TP73: variants seen among roughly 807,000 people sequenced by gnomAD.
The protein encoded by TP73 is p53-like transcription factor.
TP73 carries 25 observed loss-of-function variants against 62.5 expected under a neutral mutation model. The observed-to-expected ratio is 0.40, with a 90% CI of 0.29 to 0.56. The LOEUF (loss-of-function observed/expected upper bound fraction) is 0.56, where lower values mean the gene tolerates loss of function less well. Among genes scored for constraint, TP73 ranks in the 20% least tolerant of loss-of-function variants. The pLI, the probability that TP73 is intolerant of heterozygous loss-of-function variation, is 0.46. For missense variants in TP73, 754 were observed against 913.3 expected, an observed-to-expected ratio of 0.83 and a Z score of 2.25; for synonymous variants, 423 against 377.5, an observed-to-expected ratio of 1.12 and a Z score of -1.40.
At chr1:3,716,763 G>T (rs1372334741) in intron 4 of TP73, among the ~76,000 whole-genome samples, 4 of 152,184 alleles carry the variant, frequency 2.6e-5, no homozygotes, top group African/African-American at 9.6e-5. Flanking sequence ...CTAATCCACA[G>T]GCTGTTGACC....
chr1:3,657,352 G>A (rs904935990), intron 1 of TP73, among the ~76,000 whole-genome samples: 1 of 152,182 alleles, frequency 6.6e-6, no homozygotes, highest in Non-Finnish European at 1.5e-5. Context: ...TCTTGCCATG[G>A]CCTTCTCCTC....
chr1:3,668,196 C>T (rs1645162902), intron 1 of TP73, among the ~76,000 whole-genome samples: 1 of 152,178 alleles, frequency 6.6e-6, no homozygotes, highest in Non-Finnish European at 1.5e-5. Context: ...GCCAAGGAAC[C>T]CAAATTGGTG....
chr1:3,694,950 C>T (rs1638491564), intron 3 of TP73, among the ~76,000 whole-genome samples: 1 of 151,996 alleles, frequency 6.6e-6, no homozygotes, highest in Admixed American at 6.5e-5. Context: ...AGCCCCTCCT[C>T]CTGCAATCCC....
intron 1 of TP73, among the ~76,000 whole-genome samples, chr1:3,675,983 G>A (rs1645356270): frequency 6.6e-6 from 1 of 152,066 alleles, no homozygotes; most frequent in Non-Finnish European, 1.5e-5. Flanking sequence ...GATGAGATGG[G>A]AGGGCAGGAA....
At chr1:3,718,931 C>T (rs1182667877) in intron 4 of TP73, among the ~76,000 whole-genome samples, 1 of 152,152 alleles carries the variant, frequency 6.6e-6, no homozygotes, top group Non-Finnish European at 1.5e-5. Flanking sequence ...GCAGTAGCCA[C>T]TAACACCTGC....
intron 3 of TP73, among the ~76,000 whole-genome samples, chr1:3,692,826 G>A (rs143379994): frequency 1.1e-3 from 169 of 152,176 alleles, no homozygotes; most frequent in African/African-American, 3.9e-3. Flanking sequence ...TTGCGCAGAC[G>A]CCATTCCCGG....
chr1:3,683,100 C>T lies in TP73; in HGVS notation c.106C>T (p.Arg36Trp), dbSNP rs768562905. 6 of 1,612,132 alleles carry T rather than the reference C, an allele frequency of 3.7e-6. No homozygotes were observed. Among genetic ancestry groups the T allele is most frequent in the Admixed American group, 1.7e-5 (1 of 59,952 alleles). ...CTACTTCGACCTTCCCCAGTCAAGC[C>T]GGGGGAATAATGAGGTGGTGGGCGG... Reference protein sequence around the residue: ...STYFDLPQSSRGNNEVVGGTD... With the variant: ...STYFDLPQSSWGNNEVVGGTD... The change falls in exon 3 of 14, where the codon CGG becomes TGG. Residue 36 changes from arginine (R) to tryptophan (W), a missense_variant. By Grantham distance (101) the Arg-to-Trp change is moderately radical (BLOSUM62 -3). Around this residue, in one of 3 missense-constraint regions of TP73, gnomAD observed 235 missense variants for 251.4 expected, o/e 0.93. Coordinates refer to ENST00000378295, the MANE Select transcript of TP73 (RefSeq NM_005427.4).
intron 1 of TP73, among the ~76,000 whole-genome samples, chr1:3,656,986 C>T (rs911074016): frequency 3.3e-5 from 5 of 152,214 alleles, no homozygotes; most frequent in East Asian, 3.8e-4. Flanking sequence ...TTGTGCTTGT[C>T]GCTCCGTTGC....
intron 1 of TP73, among the ~76,000 whole-genome samples, chr1:3,667,521 C>T (rs1475284363): frequency 2.6e-5 from 4 of 152,112 alleles, no homozygotes; most frequent in East Asian, 1.9e-4. Context: ...GAGGCCGAGG[C>T]GGGTGGATCA....
At position 3,733,185 on chromosome 1, in the gene TP73, G is replaced by A; in HGVS notation, c.*106G>A. On this transcript the variant is annotated 3_prime_UTR_variant, in exon 14 of 14. Transcript: ENST00000378295. ...CCTCAGGAGGCAGGACCTTCGGGCTGTGCCCGGGGAAAGGCAAGGTCCGGC... is the reference window on the plus strand; with the variant it reads ...CCTCAGGAGGCAGGACCTTCGGGCTATGCCCGGGGAAAGGCAAGGTCCGGC... The A allele has an allele frequency of 1.5e-6, 2 of 1,318,518 alleles. No individual in the cohort carries two copies. Among genetic ancestry groups the A allele is most frequent in the South Asian group, 1.5e-5 (1 of 67,426 alleles). 81.7% of individuals were successfully genotyped at this position (1,318,518 alleles called of 1,614,324 possible). A position where few individuals can be genotyped will look rare whatever the true frequency, so the allele number is the denominator to read the frequency against.
chr1:3,699,493 C>A lies in TP73; in HGVS notation c.187-8056C>A, dbSNP rs868327784. On this transcript the variant is annotated intron_variant, in intron 3 of 13. Transcript: ENST00000378295. The surrounding 1 kb of genome is among the most constrained non-coding windows in gnomAD (Gnocchi z 4.1). ...AGGCTGGAGGGAGAAGGCCAGGAGG[C>A]CAGAGGGAGGCCAGCTGAGCCCTCA... 1.1e-4 allele frequency among the ~76,000 whole-genome samples: 17 copies of A among 152,308 alleles called. 1 individual carries two copies. The East Asian group carries it at 3.3e-3, about 29-fold the overall frequency.
chr1:3,710,286 G>C (rs909706492), intron 4 of TP73, among the ~76,000 whole-genome samples: 2 of 152,116 alleles, frequency 1.3e-5, no homozygotes, highest in Admixed American at 6.5e-5. Flanking sequence ...GTGGATCCAG[G>C]GGGTGGGACA....
At chr1:3,686,210 C>G (rs1645652007) in intron 3 of TP73, among the ~76,000 whole-genome samples, 1 of 152,248 alleles carries the variant, frequency 6.6e-6, no homozygotes, top group Non-Finnish European at 1.5e-5. Context: ...GCGCAGGACA[C>G]TGGTCCTCTG....
chr1:3,671,498 G>A (rs1365731572), intron 1 of TP73, among the ~76,000 whole-genome samples: 1 of 152,222 alleles, frequency 6.6e-6, no homozygotes, highest in Non-Finnish European at 1.5e-5. Context: ...ATCGTCGGGA[G>A]CCCCCTTCGT....
At chr1:3,679,553 G>A (rs1645461944) in intron 1 of TP73, among the ~76,000 whole-genome samples, 2 of 144,360 alleles carry the variant, frequency 1.4e-5, no homozygotes, top group Non-Finnish European at 3.0e-5. Flanking sequence ...CTTTGTCCTT[G>A]TCTCTCCCTG....
rs915303364 is a variant in TP73 at position 3,691,893 on chromosome 1, G to A, written c.186+8713G>A. ...GGGGACGGAGGCCTTTGGAGCCGTG[G>A]GCTCCCCAGGCAGTGTGACCAGGGT... On this transcript the variant is annotated intron_variant, in intron 3 of 13. Coordinates refer to ENST00000378295, the MANE Select transcript of TP73 (RefSeq NM_005427.4). Among the ~76,000 whole-genome samples the A allele has an allele frequency of 2.0e-5, 3 of 152,226 alleles. 1 individual carries two copies. Among genetic ancestry groups the A allele is most frequent in the Admixed American group, 1.3e-4 (2 of 15,292 alleles).
At chr1:3,691,570 A>G (rs909652805) in intron 3 of TP73, among the ~76,000 whole-genome samples, 6 of 151,974 alleles carry the variant, frequency 3.9e-5, no homozygotes, top group Non-Finnish European at 8.8e-5. Flanking sequence ...AGGGGAGGGA[A>G]GGGTCTGCAG....
chr1:3,686,147 G>A (rs373999754), intron 3 of TP73, among the ~76,000 whole-genome samples: 11 of 152,332 alleles, frequency 7.2e-5, no homozygotes, highest in African/African-American at 2.6e-4. Context: ...TCAGGGGCGG[G>A]TCTGGGACTC....
rs903423655 is a variant in TP73, at chr1:3,663,728, C to T, written c.-34+11087C>T. Among the ~76,000 whole-genome samples the T allele has an allele frequency of 1.3e-5, 2 of 150,796 alleles. No individual in the cohort carries two copies. The highest frequency in any genetic ancestry group is 2.1e-4 in the South Asian group (1 of 4,780). ...AAAAAAAAGAAAGAAAGAAAGGATA[C>T]AGACATCCTGAACCGGGGGCTGGGG... On this transcript the variant is annotated intron_variant, in intron 1 of 13. Coordinates refer to ENST00000378295, the MANE Select transcript of TP73 (RefSeq NM_005427.4). This position sits in a 1 kb window ranked among gnomAD's most constrained non-coding sequence, Gnocchi z 4.7.
Sources: gnomAD v4.1 joint callset for allele counts (sites outside exome capture counted in the v4.1 genomes callset) on GRCh38, gnomAD v4.1.1 for gene constraint, gnomAD v4.1.1 regional missense constraint, Gnocchi (gnomAD v3.1) non-coding constraint, MANE v1.5 for transcripts, NCBI Gene and HGNC (gene_info 2026-07-23, HGNC 2026-07-21) for gene names.